Variants in WASL observed in about 807,000 individuals in gnomAD.
The protein encoded by WASL is WASP like actin nucleation promoting factor.
Under a neutral mutation model 55.5 loss-of-function variants are expected in WASL, and 20 were observed. That is an observed-to-expected ratio of 0.36 (90% confidence interval 0.25 to 0.52). The LOEUF (loss-of-function observed/expected upper bound fraction) is 0.52. Among genes scored for constraint, WASL ranks in the 20% least tolerant of loss-of-function variants. The pLI is 0.92. For synonymous variants in WASL, 249 were observed against 217.6 expected (o/e 1.14, Z -1.27); for missense variants, 504 against 622.5 (o/e 0.81, Z 2.03).
chr7:123,714,796 T>C (rs891761323), intron 1 of WASL, among the ~76,000 whole-genome samples: 20 of 152,240 alleles, frequency 1.3e-4, no homozygotes, highest in African/African-American at 4.3e-4. Context: ...AAAATTAGTA[T>C]GCAAGAAAAA....
At position 123,682,447 on chromosome 7, in the gene WASL, T is replaced by C. The variant is rs1408187123; in HGVS notation, c.*2072A>G. On this transcript the variant is annotated 3_prime_UTR_variant, in exon 11 of 11. Coordinates refer to ENST00000223023, the MANE Select transcript of WASL (RefSeq NM_003941.4). ...AATAAATTAATTACCTTTGGCAAAT[T>C]ATATATCCATTTTACATGTTTAAAA... 6.6e-6 allele frequency: 1 copy of C among 152,130 alleles called. No individual in the cohort carries two copies. Among genetic ancestry groups the C allele is most frequent in the Non-Finnish European group, 1.5e-5 (1 of 68,012 alleles). The allele number at this position is 152,130 out of a possible 1,614,324, so 9.4% of individuals were successfully genotyped here.
chr7:123,734,057 C>A lies in WASL; in HGVS notation c.117+14561G>T, dbSNP rs569194883. Among the ~76,000 whole-genome samples the A allele has an allele frequency of 2.2e-4, 33 of 152,116 alleles. No homozygotes were observed. The South Asian group carries it at 6.6e-3, about 31-fold the overall frequency. ...AGAACATAAAACAAAACCTGGGTGA[C>A]CTGGGGGTCGGTGATGACTTTTTAG... On this transcript the variant is annotated intron_variant, in intron 1 of 10. Coordinates refer to ENST00000223023, the MANE Select transcript of WASL (RefSeq NM_003941.4).
chr7:123,720,649 G>A (rs1035451202), intron 1 of WASL, among the ~76,000 whole-genome samples: 1 of 147,782 alleles, frequency 6.8e-6, no homozygotes, highest in African/African-American at 2.5e-5. Flanking sequence ...CACACTGTGG[G>A]ATTTTTTTTT....
Sources: allele counts gnomAD v4.1 joint callset (sites outside exome capture counted in the v4.1 genomes callset), GRCh38; gene constraint gnomAD v4.1.1; transcripts MANE v1.5; gene names NCBI Gene and HGNC (gene_info 2026-07-23, HGNC 2026-07-21).